Variants in PPOX observed in about 807,000 individuals in gnomAD.
PPOX encodes the protein protoporphyrinogen oxidase.
A neutral mutation model predicts 54.1 loss-of-function variants in PPOX; 23 were observed. The observed-to-expected ratio is 0.43, with a 90% CI of 0.31 to 0.60. The LOEUF is 0.60. Ranked by LOEUF, PPOX falls within the 20% of genes least tolerant of loss-of-function variation. The pLI is 0.13. For synonymous variants in PPOX, 224 were observed against 236.1 expected, an observed-to-expected ratio of 0.95 and a Z score of 0.47; for missense variants, 512 against 601.1, an observed-to-expected ratio of 0.85 and a Z score of 1.55.
chr1:161,173,843 C>T (rs1662422504), downstream of PPOX: 3 of 1,612,100 alleles, frequency 1.9e-6, no homozygotes, highest in Non-Finnish European at 1.7e-6. Flanking sequence ...TCCCAGTACC[C>T]TTCCATGCCC....
chr1:161,174,170 G>A (rs1023897294), downstream of PPOX: 1 of 992,126 alleles, frequency 1.0e-6, no homozygotes, highest in Admixed American at 2.7e-5. Context: ...TACTTTGGGA[G>A]GCCAAGGCAG....
At chr1:161,176,458 G>A (rs1200061204) in intron 4 of PPOX, 2 of 379,180 alleles carry the variant, frequency 5.3e-6, no homozygotes. Flanking sequence ...TCTTCTTAGG[G>A]ATCATGGGGG....
At chr1:161,173,835 C>T, downstream of PPOX, 1 of 1,611,298 alleles carries the variant, frequency 6.2e-7, no homozygotes, top group Admixed American at 1.7e-5. Context: ...TCCCTGTTTC[C>T]CAGTACCCTT....
chr1:161,169,774 G>C, intron 8 of PPOX, 54 bp downstream of exon 8: 1 of 1,613,456 alleles, frequency 6.2e-7, no homozygotes, highest in African/African-American at 1.3e-5. Flanking sequence ...AGAAGCAAAA[G>C]CTATACCTTC....
chr1:161,165,955 C>A, upstream of PPOX: 1 of 277,950 alleles, frequency 3.6e-6, no homozygotes, highest in Non-Finnish European at 5.5e-6. Context: ...GGCTCTGGGG[C>A]GACTGGTTTG....
chr1:161,167,570 T>TTTTC, intron 4 of PPOX, 84 bp downstream of exon 4: 1 of 1,396,928 alleles, frequency 7.2e-7, no homozygotes. Context: ...TTTTTTTTTT[T>TTTTC]TTTTTTTTTT....
chr1:161,172,414 A>G, downstream of PPOX: 1 of 1,244,506 alleles, frequency 8.0e-7, no homozygotes, highest in Non-Finnish European at 1.1e-6. Context: ...ACACACAAAA[A>G]AACAACTATT....
downstream of PPOX, chr1:161,171,510 G>C: frequency 3.5e-6 from 2 of 578,446 alleles, no homozygotes; most frequent in Non-Finnish European, 3.0e-6. Flanking sequence ...CTCCATGGAA[G>C]AGGGAGGGGC....
intron 9 of PPOX, 89 bp from the exon 10 acceptor site, chr1:161,170,320 G>GGGGGGGGGGCCC: frequency 4.0e-6 from 2 of 494,778 alleles, no homozygotes; most frequent in Admixed American, 2.4e-5. Context: ...GTGAGACTCT[G>GGGGGGGGGGCCC]TCCCCCCCAC....
chr1:161,170,222 G>A (rs1660724670), intron 9 of PPOX, 187 bp from the exon 10 acceptor site: 2 of 841,294 alleles, frequency 2.4e-6, no homozygotes, highest in African/African-American at 1.7e-5. Flanking sequence ...CTACTCGGGA[G>A]GCTAAGGCAG....
intron 6 of PPOX, 116 bp downstream of exon 6, chr1:161,168,692 C>A: frequency 7.2e-7 from 1 of 1,385,452 alleles, no homozygotes; most frequent in Non-Finnish European, 9.9e-7. Context: ...GAGTCTTGCT[C>A]TGCTGCCTAG....
upstream of PPOX, chr1:161,166,032 T>TA (rs1658776829): frequency 1.0e-6 from 1 of 955,358 alleles, no homozygotes; most frequent in Non-Finnish European, 1.2e-6. Flanking sequence ...CTAGCTCCCG[T>TA]AGGCCCGGTC....
Position 161,167,169 on chromosome 1 carries a change from A to G in PPOX, c.157A>G (p.Ile53Val). 1 of 1,614,098 alleles carries G rather than the reference A, an allele frequency of 6.2e-7. No individual in the cohort carries two copies. The highest frequency in any genetic ancestry group is 8.5e-7 in the Non-Finnish European group (1 of 1,180,010). Residue 53 changes from isoleucine to valine, a missense_variant, in exon 3 of 13, where the codon ATC becomes GTC. Physicochemically the swap from Ile to Val is conservative, Grantham distance 29 (BLOSUM62 3). Coordinates refer to ENST00000367999, the MANE Select transcript of PPOX (RefSeq NM_001122764.3). The part of the protein sequence containing the change: ...IRSVRGPNGA[I>V]FELGPRGIRP... The stretch of plus-strand genomic sequence containing the variant: ...CTCCGTTCGAGGCCCTAATGGTGCT[A>G]TCTTTGAGCTTGGACCTCGGGGAAT...
rs893451761 is a variant in PPOX, at chr1:161,168,562, T to G, written c.602T>G (p.Leu201Arg). The change falls in exon 6 of 13, where the codon CTG (leucine) becomes CGG (arginine). Residue 201 changes from leucine (L) to arginine (R), a missense_variant. Leu to Arg is a moderately radical substitution (Grantham distance 102, BLOSUM62 -2). Coordinates refer to ENST00000367999, the MANE Select transcript of PPOX (RefSeq NM_001122764.3). ...ACCCATCGTTCCATATTACTGGGCC[T>G]GCTGCTGGGGGCAGGTGAGGGGGGA... The part of the protein sequence containing the change: ...EQTHRSILLG[L>R]LLGAGRTPQP... 6.2e-7 allele frequency: 1 copy of G among 1,613,974 alleles called. No individual in the cohort carries two copies. The highest frequency in any genetic ancestry group is 8.5e-7 in the Non-Finnish European group (1 of 1,180,048).
rs1659551951 is a variant in PPOX at position 161,167,602 on chromosome 1, TCGCCCAGGATGGAGTGCAATGG to T, written c.338+120_338+141del. On this transcript the variant is annotated intron_variant, in intron 4 of 12. Coordinates refer to ENST00000367999, the MANE Select transcript of PPOX (RefSeq NM_001122764.3). ...TTTTTTTTGAGACGGAGTATCGCTC[TCGCCCAGGATGGAGTGCAATGG>T]CGCGATCTTGGCTCACTGCAACTTC... is the stretch of plus-strand genomic sequence containing the variant. 1.8e-5 allele frequency: 24 copies of T among 1,298,226 alleles called. No homozygotes were observed. In the East Asian group the frequency reaches 6.6e-4, roughly 36 times the overall value. The allele number at this position is 1,298,226 out of a possible 1,614,324, so 80.4% of individuals were successfully genotyped here.
At chr1:161,173,476 G>C (rs1662256969), downstream of PPOX, 1 of 1,355,108 alleles carries the variant, frequency 7.4e-7, no homozygotes, top group Non-Finnish European at 1.0e-6. Context: ...AAAGACTAAG[G>C]GAAAGGAATG....
At chr1:161,177,225 A>T, downstream of PPOX, 1 of 695,456 alleles carries the variant, frequency 1.4e-6, no homozygotes. Context: ...CTTTCGGAGC[A>T]CGCCCATCCT....
downstream of PPOX, chr1:161,172,068 G>A: frequency 6.2e-7 from 1 of 1,614,150 alleles, no homozygotes; most frequent in Non-Finnish European, 8.5e-7. Flanking sequence ...AGGAATTCTG[G>A]GTACGGACCA....
downstream of PPOX, chr1:161,171,907 G>C: frequency 1.2e-6 from 2 of 1,614,182 alleles, no homozygotes; most frequent in East Asian, 2.2e-5. Context: ...TTGACGGAAG[G>C]CTTGGGAGGA....
Sources: allele counts gnomAD v4.1 joint callset, GRCh38; gene constraint gnomAD v4.1.1; transcripts MANE v1.5; gene names NCBI Gene and HGNC (gene_info 2026-07-23, HGNC 2026-07-21).